CCDC88C: variants seen among roughly 807,000 people sequenced by gnomAD.
CCDC88C encodes the protein protein Daple.
In CCDC88C, 131 loss-of-function variants were observed where a neutral mutation model predicts 198.8. That is an observed-to-expected ratio of 0.66 (90% CI 0.57 to 0.76). The LOEUF (loss-of-function observed/expected upper bound fraction) is 0.76. CCDC88C is among the 30% of genes least tolerant of loss of function. CCDC88C has a pLI of 0.00. For synonymous variants in CCDC88C, 1,166 were observed against 1,114.7 expected (o/e 1.05, Z -0.92); for missense variants, 2,553 against 2,631.6 (o/e 0.97, Z 0.65).
intron 3 of CCDC88C, among the ~76,000 whole-genome samples, chr14:91,395,369 C>A (rs567943024): frequency 1.3e-5 from 2 of 152,274 alleles, no homozygotes; most frequent in East Asian, 3.9e-4. Flanking sequence ...TTGAGCCTCA[C>A]AACCACCTAT....
At chr14:91,373,382 C>G (rs1024722436) in intron 3 of CCDC88C, among the ~76,000 whole-genome samples, 1 of 152,258 alleles carries the variant, frequency 6.6e-6, no homozygotes, top group African/African-American at 2.4e-5. Flanking sequence ...CCAAGCAGAA[C>G]TTGTGCTGGT....
chr14:91,384,823 A>G (rs1885029450), intron 3 of CCDC88C, among the ~76,000 whole-genome samples: 1 of 152,170 alleles, frequency 6.6e-6, no homozygotes, highest in African/African-American at 2.4e-5. Flanking sequence ...TCCTGGCCAC[A>G]GACAGCCCCA....
At chr14:91,291,398 T>G (rs536165799) in intron 23 of CCDC88C, among the ~76,000 whole-genome samples, 4 of 152,288 alleles carry the variant, frequency 2.6e-5, no homozygotes, top group Admixed American at 2.6e-4. Flanking sequence ...TCCTTCCAGG[T>G]TGTTCAAGAC....
At chr14:91,327,770 C>A (rs1187152096) in intron 10 of CCDC88C, among the ~76,000 whole-genome samples, 1 of 152,210 alleles carries the variant, frequency 6.6e-6, no homozygotes, top group Non-Finnish European at 1.5e-5. Flanking sequence ...CTCTTTTGAC[C>A]AGCGTTCCAG....
chr14:91,413,029 T>C (rs1886867702), intron 2 of CCDC88C, among the ~76,000 whole-genome samples: 1 of 152,158 alleles, frequency 6.6e-6, no homozygotes, highest in South Asian at 2.1e-4. Flanking sequence ...CTATGAATAA[T>C]TAACACAGTA....
At chr14:91,317,644 G>A (rs75921482) in intron 13 of CCDC88C, among the ~76,000 whole-genome samples, 1,541 of 152,334 alleles carry the variant, frequency 0.01, 22 homozygotes, top group African/African-American at 0.035. Flanking sequence ...GGCCAAGGAC[G>A]AGAGGGAGGA....
chr14:91,300,210 G>T, intron 20 of CCDC88C, 140 bp from the exon 21 acceptor site: 1 of 1,289,906 alleles, frequency 7.8e-7, no homozygotes, highest in Non-Finnish European at 1.1e-6. Flanking sequence ...TGAGGGGCAT[G>T]GGGCAGGGAA....
intron 2 of CCDC88C, among the ~76,000 whole-genome samples, chr14:91,409,341 A>C (rs1886681090): frequency 6.6e-6 from 1 of 151,074 alleles, no homozygotes; most frequent in Non-Finnish European, 1.5e-5. Context: ...GGCCCAGCTA[A>C]TTTTTTTTTA....
chr14:91,385,335 T>C (rs61113267), intron 3 of CCDC88C, among the ~76,000 whole-genome samples: 45,569 of 152,022 alleles, frequency 0.3, 7,202 homozygotes, highest in East Asian at 0.37. Flanking sequence ...AACGCCCTCA[T>C]GGCATGTACT....
At chr14:91,390,740 GA>G (rs1021878439) in intron 3 of CCDC88C, among the ~76,000 whole-genome samples, 3 of 151,084 alleles carry the variant, frequency 2.0e-5, no homozygotes, top group Admixed American at 6.6e-5. Flanking sequence ...GAGTTACAAA[GA>G]AAAAAAAACC....
intron 3 of CCDC88C, among the ~76,000 whole-genome samples, chr14:91,391,257 CAA>C (rs144036813): frequency 1.5e-4 from 21 of 142,010 alleles, no homozygotes; most frequent in African/African-American, 5.5e-4. Flanking sequence ...CAAAACAAAA[CAA>C]AAAAAAAAAC....
intron 18 of CCDC88C, among the ~76,000 whole-genome samples, chr14:91,306,833 C>T (rs533735262): frequency 6.6e-6 from 1 of 152,244 alleles, no homozygotes; most frequent in African/African-American, 2.4e-5. Flanking sequence ...GCCATGAAGG[C>T]TGTGTGTGCC....
In CCDC88C at chr14:91,371,803, C is replaced by T. The variant is rs1018536209; in HGVS notation, c.271-12092G>A. ...CTATGCCAGGGCAGGGCTGGGGCCA[C>T]GCCACACCCTGGCAGCCCTCACCCG... On this transcript the variant is annotated intron_variant, in intron 3 of 29. Transcript: ENST00000389857. This position sits in a 1 kb window ranked among gnomAD's most constrained non-coding sequence, Gnocchi z 4.2. Among the ~76,000 whole-genome samples, 4 of 152,312 alleles carry T rather than the reference C, an allele frequency of 2.6e-5. No individual in the cohort carries two copies. The highest frequency in any genetic ancestry group is 3.4e-3 in the Middle Eastern group (1 of 294).
intron 2 of CCDC88C, among the ~76,000 whole-genome samples, chr14:91,410,309 TCA>T (rs1886728545): frequency 6.6e-6 from 1 of 152,164 alleles, no homozygotes; most frequent in Admixed American, 6.5e-5. Context: ...GAGCCTGTCT[TCA>T]CAGTTTCTTC....
chr14:91,315,662 G>C lies in CCDC88C; in HGVS notation c.1653C>G (p.Asp551Glu). The C allele has an allele frequency of 6.2e-7, 1 of 1,613,904 alleles. No homozygotes were observed. Among genetic ancestry groups the C allele is most frequent in the East Asian group, 2.2e-5 (1 of 44,874 alleles). Residue 551 changes from aspartate to glutamate, a missense_variant, in exon 14 of 30, where the codon GAC (aspartate) becomes GAG (glutamate). Physicochemically the swap from Asp to Glu is conservative, Grantham distance 45. Coordinates refer to ENST00000389857, the MANE Select transcript of CCDC88C (RefSeq NM_001080414.4). ...TGGAGGCACCTACCTGCCTGGCTTT[G>C]TCAGCCTTCAGGGTCTCCATGTCAC... The part of the protein sequence containing the change: ...LQSDMETLKA[D>E]KARQIKDLEQ...
intron 2 of CCDC88C, among the ~76,000 whole-genome samples, chr14:91,413,514 T>C (rs565725641): frequency 6.1e-4 from 93 of 152,304 alleles, no homozygotes; most frequent in South Asian, 1.4e-3. Context: ...AGAGCAAACT[T>C]TGTTTTCTCT....
chr14:91,394,269 C>T (rs977732501), intron 3 of CCDC88C, among the ~76,000 whole-genome samples: 1 of 152,162 alleles, frequency 6.6e-6, no homozygotes, highest in African/African-American at 2.4e-5. Context: ...TACAGGTCTG[C>T]GTGAAAACAG....
intron 22 of CCDC88C, among the ~76,000 whole-genome samples, 182 bp from the exon 23 acceptor site, chr14:91,294,500 C>T (rs1890912833): frequency 6.6e-6 from 1 of 152,264 alleles, no homozygotes; most frequent in Non-Finnish European, 1.5e-5. Context: ...GTTCCCTCTG[C>T]AGCTGCATTG....
At chr14:91,317,759 G>C (rs767187678) in intron 13 of CCDC88C, among the ~76,000 whole-genome samples, 1 of 152,164 alleles carries the variant, frequency 6.6e-6, no homozygotes, top group Non-Finnish European at 1.5e-5. Context: ...AGGGCCTCCC[G>C]AGGGCCACGG....
Sources: gnomAD v4.1 joint callset for allele counts (sites outside exome capture counted in the v4.1 genomes callset) on GRCh38, gnomAD v4.1.1 for gene constraint, Gnocchi (gnomAD v3.1) non-coding constraint, MANE v1.5 for transcripts, NCBI Gene and HGNC (gene_info 2026-07-23, HGNC 2026-07-21) for gene names.